The following LRP1B variants were observed in gnomAD, a reference collection of about 807,000 sequenced individuals.
The protein encoded by LRP1B is LDL receptor related protein 1B.
LRP1B carries 217 observed loss-of-function variants against 556.6 expected under a neutral mutation model. That is an observed-to-expected ratio of 0.39 (90% confidence interval 0.35 to 0.44). LRP1B has a LOEUF of 0.44. LRP1B is among the 20% of genes least tolerant of loss of function. The pLI, the probability that LRP1B is intolerant of heterozygous loss-of-function variation, is 1.00. For synonymous variants in LRP1B, 2,047 were observed against 1,865.8 expected (o/e 1.10, Z -2.50); for missense variants, 5,053 against 5,620.8 (o/e 0.90, Z 3.23).
chr2:140,818,986 ACTTTGT>A (rs1691224745), intron 31 of LRP1B, among the ~76,000 whole-genome samples: 1 of 149,654 alleles, frequency 6.7e-6, no homozygotes, highest in African/African-American at 2.5e-5. Flanking sequence ...AAACCCAAGC[ACTTTGT>A]CTTTGTCTGT....
At chr2:141,751,082 GA>G (rs1264465275) in intron 2 of LRP1B, among the ~76,000 whole-genome samples, 5 of 150,968 alleles carry the variant, frequency 3.3e-5, no homozygotes, top group African/African-American at 7.3e-5. Context: ...TTTCTGCAGA[GA>G]AAAAAAAGCT....
At chr2:140,690,447 A>G (rs999356586) in intron 41 of LRP1B, among the ~76,000 whole-genome samples, 2 of 152,196 alleles carry the variant, frequency 1.3e-5, no homozygotes, top group African/African-American at 4.8e-5. Context: ...GAAAATTCAT[A>G]TGCTTTTTCT....
intron 1 of LRP1B, among the ~76,000 whole-genome samples, chr2:141,927,313 C>T (rs1219606150): frequency 2.0e-5 from 3 of 152,058 alleles, no homozygotes; most frequent in Middle Eastern, 3.2e-3. Flanking sequence ...AAGAAGTAAA[C>T]TTCAGAACTG....
At chr2:141,103,445 T>C (rs1029737136) in intron 7 of LRP1B, among the ~76,000 whole-genome samples, 20 of 151,734 alleles carry the variant, frequency 1.3e-4, no homozygotes, top group Admixed American at 5.9e-4. Context: ...CAGAATTCAA[T>C]CTTGGCTTCA....
chr2:140,558,188 T>C (rs986512104), intron 43 of LRP1B, among the ~76,000 whole-genome samples: 2 of 152,164 alleles, frequency 1.3e-5, no homozygotes, highest in Non-Finnish European at 2.9e-5. Context: ...GCACAGCCAC[T>C]TTAGAGAGCA....
At chr2:141,332,120 TGTCTTCTCCACTACAC>T (rs1354765738) in intron 3 of LRP1B, among the ~76,000 whole-genome samples, 1 of 152,050 alleles carries the variant, frequency 6.6e-6, no homozygotes, top group African/African-American at 2.4e-5. Context: ...TTTTTTTTTT[TGTCTTCTCCACTACAC>T]TGCAGACTCC....
At chr2:141,104,061 A>C (rs1700539359) in intron 7 of LRP1B, among the ~76,000 whole-genome samples, 1 of 151,838 alleles carries the variant, frequency 6.6e-6, no homozygotes, top group South Asian at 2.1e-4. Flanking sequence ...ATACGTCAAC[A>C]CTCTTTTGTC....
chr2:141,618,421 T>G (rs1688386795), intron 2 of LRP1B, among the ~76,000 whole-genome samples: 1 of 152,226 alleles, frequency 6.6e-6, no homozygotes, highest in Admixed American at 6.5e-5. Context: ...TACTCAATTA[T>G]TCACTTATTC....
Position 141,292,152 on chromosome 2 carries a change from C to T in LRP1B, c.344-37511G>A, listed in dbSNP as rs185022739. 7.6e-4 allele frequency among the ~76,000 whole-genome samples: 115 copies of T among 152,184 alleles called. 1 individual carries two copies. The highest frequency in any genetic ancestry group is 6.8e-3 in the Middle Eastern group (2 of 294). On this transcript the variant is annotated intron_variant, in intron 3 of 90. Coordinates refer to ENST00000389484, the MANE Select transcript of LRP1B (RefSeq NM_018557.3). ...CAAACCCTATTGTGACCTGTGCATG[C>T]GAGGGATCTAGGTTGTGCGCTCCTT...
intron 41 of LRP1B, among the ~76,000 whole-genome samples, chr2:140,664,350 A>C (rs1264412862): frequency 6.6e-6 from 1 of 152,182 alleles, no homozygotes; most frequent in Non-Finnish European, 1.5e-5. Flanking sequence ...ATGCAATAAA[A>C]TGAGATCTCC....
chr2:140,402,435 AC>A (rs1373055751), intron 66 of LRP1B, among the ~76,000 whole-genome samples: 1 of 152,172 alleles, frequency 6.6e-6, no homozygotes, highest in African/African-American at 2.4e-5. Context: ...GCATGGTTGC[AC>A]CTGTAGACTG....
At chr2:141,442,998 T>G (rs1681042002) in intron 3 of LRP1B, among the ~76,000 whole-genome samples, 1 of 152,080 alleles carries the variant, frequency 6.6e-6, no homozygotes, top group Admixed American at 6.5e-5. Context: ...CTTGAGGAAT[T>G]GACACGCTGT....
chr2:140,381,351 G>C (rs1683477447), intron 67 of LRP1B, among the ~76,000 whole-genome samples: 1 of 152,058 alleles, frequency 6.6e-6, no homozygotes, highest in Non-Finnish European at 1.5e-5. Context: ...AGTTGAATGT[G>C]ACATTCTCCC....
At chr2:141,143,023 G>A (rs1357288913) in intron 7 of LRP1B, among the ~76,000 whole-genome samples, 4 of 146,624 alleles carry the variant, frequency 2.7e-5, no homozygotes, top group Non-Finnish European at 4.4e-5. Flanking sequence ...CCGCCTTCCA[G>A]GTTCAAACGA....
rs5834867 is a variant in LRP1B at position 141,782,514 on chromosome 2, C to CTTTTTT, written c.205+27759_205+27764dup. On this transcript the variant is annotated intron_variant, in intron 2 of 90. Coordinates refer to ENST00000389484, the MANE Select transcript of LRP1B (RefSeq NM_018557.3). Reference sequence around the variant, plus strand: ...ACATTTCTTTGCATGTTCTATTTTCCTTTTTTTTTTTTTTTTTTTGGTAGC... The same window carrying CTTTTTT: ...ACATTTCTTTGCATGTTCTATTTTCCTTTTTTTTTTTTTTTTTTTTTTTTTGGTAGC... 2.9e-3 allele frequency among the ~76,000 whole-genome samples: 282 copies of CTTTTTT among 97,832 alleles called. 4 individuals are homozygous for CTTTTTT. Among genetic ancestry groups the CTTTTTT allele is most frequent in the African/African-American group, 0.011 (250 of 22,708 alleles). The allele number at this position is 97,832 out of a possible 152,430, so 64.2% of individuals were successfully genotyped here.
intron 2 of LRP1B, among the ~76,000 whole-genome samples, chr2:141,711,786 C>G (rs1253936145): frequency 1.3e-5 from 2 of 152,094 alleles, no homozygotes; most frequent in East Asian, 3.9e-4. Flanking sequence ...ACATATGGTT[C>G]AGTTCAACTT....
intron 60 of LRP1B, 127 bp downstream of exon 60, chr2:140,475,011 A>T: frequency 5.7e-6 from 2 of 352,242 alleles, no homozygotes; most frequent in Non-Finnish European, 9.5e-6. Flanking sequence ...TTTTATAAAG[A>T]AGTATAATAA....
chr2:141,647,946 A>T (rs780201382), intron 2 of LRP1B, among the ~76,000 whole-genome samples: 24 of 152,224 alleles, frequency 1.6e-4, no homozygotes, highest in African/African-American at 5.3e-4. Context: ...AAAATTTTTT[A>T]ATCTACATAA....
chr2:141,141,387 G>A lies in LRP1B; in HGVS notation c.1013+47034C>T, dbSNP rs150448624. 5.3e-3 allele frequency among the ~76,000 whole-genome samples: 801 copies of A among 152,054 alleles called. 2 individuals are homozygous for A. Among genetic ancestry groups the A allele is most frequent in the Non-Finnish European group, 8.7e-3 (590 of 67,956 alleles). On this transcript the variant is annotated intron_variant, in intron 7 of 90. Coordinates refer to ENST00000389484, the MANE Select transcript of LRP1B (RefSeq NM_018557.3). ...TTTATGTGTCAAATCAATTGTTTCC[G>A]TAATATATTTAAGATACTAAGAATG...
Sources: allele counts gnomAD v4.1 joint callset (sites outside exome capture counted in the v4.1 genomes callset), GRCh38; gene constraint gnomAD v4.1.1; transcripts MANE v1.5; gene names NCBI Gene and HGNC (gene_info 2026-07-23, HGNC 2026-07-21).